The following COG1 variants were observed in gnomAD, a reference collection of about 807,000 sequenced individuals.
COG1 encodes component of oligomeric golgi complex 1.
A neutral mutation model predicts 102.2 loss-of-function variants in COG1; 61 were observed. The observed-to-expected ratio is 0.60, with a 90% CI of 0.49 to 0.74. COG1 has a LOEUF of 0.74. Ranked by LOEUF, COG1 falls within the 30% of genes least tolerant of loss-of-function variation. The pLI is 0.00. For synonymous variants in COG1, 454 were observed against 493.6 expected, an observed-to-expected ratio of 0.92 and a Z score of 1.06; for missense variants, 1,164 against 1,232.1, an observed-to-expected ratio of 0.94 and a Z score of 0.83.
chr17:73,207,622 T>C, intron 13 of COG1: 1 of 1,104,206 alleles, frequency 9.1e-7, no homozygotes, highest in Non-Finnish European at 1.2e-6. Flanking sequence ...TTATCTTCCC[T>C]TTTAGTTGGG....
chr17:73,206,030 C>T (rs552557134), intron 10 of COG1, 124 bp from the exon 11 acceptor site: 51 of 818,976 alleles, frequency 6.2e-5, no homozygotes, highest in African/African-American at 2.5e-4. Flanking sequence ...CAGTGACAAA[C>T]GTACTAAGCC....
At chr17:73,206,295 C>G in intron 11 of COG1, 33 bp downstream of exon 11, 1 of 1,509,674 alleles carries the variant, frequency 6.6e-7, no homozygotes, top group Non-Finnish European at 9.2e-7. Flanking sequence ...TTAGTGCGAA[C>G]GAAGCGATAC....
At position 73,197,313 on chromosome 17, in the gene COG1, CAGA is replaced by C. The variant is rs766720884; in HGVS notation, c.833_835del (p.Glu278del). The C allele has an allele frequency of 8.7e-6, 14 of 1,614,086 alleles. No homozygotes were observed. The highest frequency in any genetic ancestry group is 4.0e-5 in the African/African-American group (3 of 74,938). ...GCTCATGCCCTTTTCTACACTTTGC[CAGA>C]AGGACTGCTGCCAGATCCAGCCCTG... is the stretch of plus-strand genomic sequence containing the variant. On this transcript the variant is annotated inframe_deletion, in exon 4 of 14. Transcript: ENST00000299886.
At chr17:73,203,238 G>A (rs990762974) in intron 8 of COG1, 92 bp downstream of exon 8, 1 of 1,484,252 alleles carries the variant, frequency 6.7e-7, no homozygotes, top group Middle Eastern at 1.7e-4. Flanking sequence ...CAACTTCTGA[G>A]GAATAGCTGA....
Position 73,193,148 on chromosome 17 carries a change from G to T in COG1, c.79G>T (p.Ala27Ser), listed in dbSNP as rs529636950. ...DPAALFETHGAEEIRGLERQV... is the reference protein window; with the variant it reads ...DPAALFETHGSEEIRGLERQV... The stretch of plus-strand genomic sequence containing the variant: ...TGCGGCTCTTTTCGAGACGCATGGA[G>T]CGGAGGAGATCCGCGGGCTGGAGCG... Residue 27 changes from alanine to serine, a missense_variant, in exon 1 of 14, where the codon GCG becomes TCG. Coordinates refer to ENST00000299886, the MANE Select transcript of COG1 (RefSeq NM_018714.3). 2.2e-5 allele frequency: 36 copies of T among 1,609,980 alleles called. No homozygotes were observed. The highest frequency in any genetic ancestry group is 2.2e-4 in the South Asian group (20 of 90,408).
At position 73,205,645 on chromosome 17, in the gene COG1, C is replaced by G. The variant is rs533834836; in HGVS notation, c.2475C>G (p.Asp825Glu). ...ACATTGTTCTGACAGCCAAGGGTGA[C>G]GAGGTGAAGAGTGGCCGGAGCAAGC... ...YLNIVLTAKG[D>E]EVKSGRSKPD... Residue 825 changes from aspartate to glutamate, a missense_variant, in exon 10 of 14, where the codon GAC becomes GAG. By Grantham distance (45) the Asp-to-Glu change is conservative. Coordinates refer to ENST00000299886, the MANE Select transcript of COG1 (RefSeq NM_018714.3). 1 of 1,613,932 alleles carries G rather than the reference C, an allele frequency of 6.2e-7. No individual in the cohort carries two copies. The highest frequency in any genetic ancestry group is 1.3e-5 in the African/African-American group (1 of 75,012).
intron 5 of COG1, among the ~76,000 whole-genome samples, chr17:73,200,261 TTA>T (rs2061341474): frequency 6.6e-6 from 1 of 152,174 alleles, no homozygotes; most frequent in African/African-American, 2.4e-5. Context: ...TAAATTCTCT[TTA>T]TGTGAGAGTT....
Position 73,208,319 on chromosome 17 carries a change from C to G in COG1, c.2811C>G (p.Val937=), listed in dbSNP as rs572268033. 1.2e-6 allele frequency: 2 copies of G among 1,613,384 alleles called. No individual in the cohort carries two copies. Among genetic ancestry groups the G allele is most frequent in the South Asian group, 1.1e-5 (1 of 91,056 alleles). ...TTCTCTACATCCAATGGCAGGTTGT[C>G]CCCCCGGCACGCTCCACAGCTGGTG... ...TRNIETKAQV[V]PPARSTAGDP... The change falls in exon 14 of 14, where the codon GTC becomes GTG. Residue 937 remains valine (V), a synonymous_variant. Coordinates refer to ENST00000299886, the MANE Select transcript of COG1 (RefSeq NM_018714.3).
At position 73,201,274 on chromosome 17, in the gene COG1, C is replaced by G. The variant is rs1355258445; in HGVS notation, c.1447C>G (p.Leu483Val). Residue 483 changes from leucine (L) to valine (V), a missense_variant, in exon 7 of 14, where the codon CTG (leucine) becomes GTG (valine). Transcript: ENST00000299886. ...LFLWSESPND[L>V]PSDAAWVSVA... ...CCTCTGGTCTGAGAGTCCTAATGAC[C>G]TGCCTTCCGATGCGGCCTGGGTCAG... 3.1e-6 allele frequency: 5 copies of G among 1,614,128 alleles called. No homozygotes were observed. The highest frequency in any genetic ancestry group is 4.2e-6 in the Non-Finnish European group (5 of 1,180,052).
chr17:73,197,540 C>G, intron 4 of COG1, 144 bp downstream of exon 4: 1 of 827,940 alleles, frequency 1.2e-6, no homozygotes, highest in South Asian at 1.5e-5. Flanking sequence ...ATCGAGGCCA[C>G]AGTTGAGTGG....
chr17:73,197,995 G>C (rs542342094), intron 4 of COG1, among the ~76,000 whole-genome samples: 65 of 152,308 alleles, frequency 4.3e-4, no homozygotes, highest in Non-Finnish European at 2.9e-4. Context: ...ATGTGTGCCC[G>C]TGCATCCTGT....
At position 73,196,675 on chromosome 17, in the gene COG1, T is replaced by C. The variant is rs768804843; in HGVS notation, c.484T>C (p.Ser162Pro). The change falls in exon 2 of 14, where the codon TCT (serine) becomes CCT (proline). Residue 162 changes from serine (S) to proline (P), a missense_variant. By Grantham distance (74) the Ser-to-Pro change is moderately conservative (BLOSUM62 -1). Coordinates refer to ENST00000299886, the MANE Select transcript of COG1 (RefSeq NM_018714.3). ...CCACAGCCTGCTCCAGCTGGATTCT[T>C]CTAGTTCCCGATACAGTCCCGTCCT... The part of the protein sequence containing the change: ...HLHSLLQLDS[S>P]SSRYSPVLSR... 3 of 1,614,066 alleles carry C rather than the reference T, an allele frequency of 1.9e-6. No individual in the cohort carries two copies. The highest frequency in any genetic ancestry group is 1.7e-6 in the Non-Finnish European group (2 of 1,180,038).
At chr17:73,207,979 TG>T in intron 13 of COG1, 10 of 1,258,114 alleles carry the variant, frequency 7.9e-6, no homozygotes, top group Non-Finnish European at 1.0e-5. Context: ...TCCCTAAGCA[TG>T]GGCTATGTTG....
chr17:73,197,548 T>C, intron 4 of COG1, 152 bp downstream of exon 4: 1 of 794,690 alleles, frequency 1.3e-6, no homozygotes, highest in Admixed American at 2.1e-5. Flanking sequence ...CACAGTTGAG[T>C]GGTAGAAGCA....
At chr17:73,207,635 G>C in intron 13 of COG1, 1 of 1,186,216 alleles carries the variant, frequency 8.4e-7, no homozygotes, top group Non-Finnish European at 1.1e-6. Flanking sequence ...TAGTTGGGTG[G>C]GAAGTAACAG....
intron 9 of COG1, 37 bp from the exon 10 acceptor site, chr17:73,205,516 C>G: frequency 6.2e-7 from 1 of 1,613,504 alleles, no homozygotes; most frequent in Non-Finnish European, 8.5e-7. Flanking sequence ...ACCAAGTCCT[C>G]TCTCTTCATG....
At chr17:73,194,441 C>A (rs1310772619) in intron 1 of COG1, among the ~76,000 whole-genome samples, 810 of 54,690 alleles carry the variant, frequency 0.015, no homozygotes, top group African/African-American at 0.022. Context: ...GACTCTGTCT[C>A]AAAAAAAAAA....
At position 73,203,063 on chromosome 17, in the gene COG1, G is replaced by C; in HGVS notation, c.2137G>C (p.Ala713Pro). The C allele has an allele frequency of 6.2e-7, 1 of 1,614,146 alleles. No individual in the cohort carries two copies. The highest frequency in any genetic ancestry group is 1.6e-4 in the Middle Eastern group (1 of 6,062). ...TGATGCTGGCTCAGTTCTGGCCACA[G>C]CCACCAGCTGGGATGAGCTAGAAAT... The part of the protein sequence containing the change: ...LDDAGSVLAT[A>P]TSWDELEIQE... Residue 713 changes from alanine (A) to proline (P), a missense_variant, in exon 8 of 14, where the codon GCC (alanine) becomes CCC (proline). By Grantham distance (27) the Ala-to-Pro change is conservative. Transcript: ENST00000299886.
rs190075407 is a variant in COG1 at position 73,200,081 on chromosome 17, G to A, written c.1070+60G>A. The A allele has an allele frequency of 3.0e-5, 47 of 1,556,270 alleles. No homozygotes were observed. The Admixed American group carries it at 5.0e-4, about 17-fold the overall frequency. ...AGGAGCCACCCATGCAGCCTTGTAC[G>A]GGGCATTACAAGGGTCAGCGAGGCA... is the stretch of plus-strand genomic sequence containing the variant. On this transcript the variant is annotated intron_variant, in intron 5 of 13. Transcript: ENST00000299886.
Sources: allele counts gnomAD v4.1 joint callset (sites outside exome capture counted in the v4.1 genomes callset), GRCh38; gene constraint gnomAD v4.1.1; transcripts MANE v1.5; gene names NCBI Gene and HGNC (gene_info 2026-07-23, HGNC 2026-07-21).